Variants in PSD3 observed in about 807,000 individuals in gnomAD.
PSD3 encodes the protein PH and SEC7 domain-containing protein 3.
A neutral mutation model predicts 105.5 loss-of-function variants in PSD3; 49 were observed. The observed-to-expected ratio is 0.46, with a 90% CI of 0.37 to 0.59. The LOEUF (loss-of-function observed/expected upper bound fraction) is 0.59, where lower values mean the gene tolerates loss of function less well. PSD3 is among the 20% of genes least tolerant of loss of function. PSD3 has a pLI of 0.00. For missense variants in PSD3, 1,561 were observed against 1,263.8 expected (o/e 1.24, Z -3.57); for synonymous variants, 557 against 457.8 (o/e 1.22, Z -2.77).
chr8:18,527,735 G>A lies in PSD3; in HGVS notation c.*8008C>T, dbSNP rs1799481481. ...CTTTCAAAAGAAGACCACCACAAACGCCATCGTTTTCTAGAAGACGGCATT... is the reference window on the plus strand; with the variant it reads ...CTTTCAAAAGAAGACCACCACAAACACCATCGTTTTCTAGAAGACGGCATT... On this transcript the variant is annotated 3_prime_UTR_variant, in exon 16 of 16. Transcript: ENST00000327040. 1.3e-5 allele frequency: 2 copies of A among 152,496 alleles called. No homozygotes were observed. The highest frequency in any genetic ancestry group is 1.5e-5 in the Non-Finnish European group (1 of 68,020). 9.4% of individuals were successfully genotyped at this position (152,496 alleles called of 1,614,324 possible).
chr8:18,680,503 G>A (rs1290289436), intron 9 of PSD3, among the ~76,000 whole-genome samples: 3 of 152,146 alleles, frequency 2.0e-5, no homozygotes, highest in African/African-American at 7.2e-5. Flanking sequence ...ACCCAATGAA[G>A]AGCTGAGCTC....
chr8:18,848,844 G>A (rs1815335585), intron 4 of PSD3, among the ~76,000 whole-genome samples: 1 of 152,182 alleles, frequency 6.6e-6, no homozygotes, highest in African/African-American at 2.4e-5. Flanking sequence ...ACAAAAATGT[G>A]GCAACTGCCA....
At chr8:18,779,162 T>G (rs891794027) in intron 8 of PSD3, among the ~76,000 whole-genome samples, 2 of 152,194 alleles carry the variant, frequency 1.3e-5, no homozygotes, top group African/African-American at 4.8e-5. Context: ...GTGTTCTATT[T>G]CTTCATGGCC....
intron 9 of PSD3, among the ~76,000 whole-genome samples, chr8:18,663,830 GTGGCTACCC>G (rs1809530693): frequency 6.6e-6 from 1 of 152,166 alleles, no homozygotes; most frequent in Non-Finnish European, 1.5e-5. Flanking sequence ...TTGAAGGTTT[GTGGCTACCC>G]TGTTTTGAGC....
intron 9 of PSD3, among the ~76,000 whole-genome samples, chr8:18,744,427 T>C (rs919553863): frequency 2.0e-5 from 3 of 152,222 alleles, no homozygotes; most frequent in African/African-American, 7.2e-5. Context: ...TAACTCTACG[T>C]GGTCTTTTTA....
intron 12 of PSD3, among the ~76,000 whole-genome samples, chr8:18,597,007 C>G (rs1015991412): frequency 6.6e-6 from 1 of 152,042 alleles, no homozygotes; most frequent in Non-Finnish European, 1.5e-5. Context: ...AACCAGAAAA[C>G]AGTACTGCAA....
At chr8:18,987,280 A>AT (rs199530425) in intron 1 of PSD3, among the ~76,000 whole-genome samples, 17,506 of 147,880 alleles carry the variant, frequency 0.12, 1,182 homozygotes, top group East Asian at 0.22. Context: ...TTTCTTTTTT[A>AT]TTTTTTTTTT....
At chr8:18,612,160 TTTG>T (rs1805313816) in intron 11 of PSD3, among the ~76,000 whole-genome samples, 1 of 143,154 alleles carries the variant, frequency 7.0e-6, no homozygotes, top group Non-Finnish European at 1.5e-5. Flanking sequence ...ACTAAATTTC[TTTG>T]TTTCTGCCCA....
intron 8 of PSD3, among the ~76,000 whole-genome samples, chr8:18,784,079 G>C (rs1021539424): frequency 6.6e-6 from 1 of 151,918 alleles, no homozygotes; most frequent in African/African-American, 2.4e-5. Flanking sequence ...TGTTTTGTAT[G>C]TTTTCAATCC....
rs189961681 is a variant in PSD3 at position 18,972,842 on chromosome 8, C to T, written c.22-36700G>A. On this transcript the variant is annotated intron_variant, in intron 1 of 15. Coordinates refer to ENST00000327040, the MANE Select transcript of PSD3 (RefSeq NM_015310.4). ...CTACGCTGTGTATGATAATTTGCTA[C>T]AGCAGCTCAAACTAAGACACACAGC... Among the ~76,000 whole-genome samples, 373 of 152,358 alleles carry T rather than the reference C, an allele frequency of 2.4e-3. 1 individual carries two copies. The highest frequency in any genetic ancestry group is 8.6e-3 in the African/African-American group (356 of 41,588).
intron 15 of PSD3, among the ~76,000 whole-genome samples, chr8:18,541,483 G>A (rs1034673948): frequency 1.3e-5 from 2 of 152,068 alleles, no homozygotes. Flanking sequence ...GTATCCCACC[G>A]TTCCAATGAT....
At chr8:18,691,148 T>C (rs1052549970) in intron 9 of PSD3, among the ~76,000 whole-genome samples, 2 of 152,076 alleles carry the variant, frequency 1.3e-5, no homozygotes, top group Non-Finnish European at 2.9e-5. Context: ...GGGGGAAAAA[T>C]CTTTAAATAG....
intron 1 of PSD3, among the ~76,000 whole-genome samples, chr8:18,994,768 A>G (rs914686021): frequency 6.6e-6 from 1 of 151,674 alleles, no homozygotes; most frequent in African/African-American, 2.4e-5. Context: ...TTCTCATCAT[A>G]TTTCTATTGA....
At chr8:19,070,590 A>C (rs1829220990) in intron 1 of PSD3, among the ~76,000 whole-genome samples, 1 of 152,166 alleles carries the variant, frequency 6.6e-6, no homozygotes, top group African/African-American at 2.4e-5. Flanking sequence ...AGGCAGGAGA[A>C]TCGCTTAAAT....
At chr8:19,013,515 C>CGGCGCCGCGTGCG in intron 1 of PSD3, 48 bp downstream of exon 1, 1 of 1,578,186 alleles carries the variant, frequency 6.3e-7, no homozygotes, top group Non-Finnish European at 8.5e-7. Context: ...CGTCGAACAG[C>CGGCGCCGCGTGCG]GGCGCCGCGT....
At position 18,834,868 on chromosome 8, in the gene PSD3, A is replaced by G. The variant is rs111484033; in HGVS notation, c.1635-29970T>C. On this transcript the variant is annotated intron_variant, in intron 4 of 15. Transcript: ENST00000327040. ...CTGTGACATCCATCCAATACAATTA[A>G]TTCAAGTAGGTTTACAGTCCACTGC... is the stretch of plus-strand genomic sequence containing the variant. 8.9e-3 allele frequency among the ~76,000 whole-genome samples: 1,354 copies of G among 152,310 alleles called. 16 individuals are homozygous for G. Among genetic ancestry groups the G allele is most frequent in the African/African-American group, 0.031 (1,270 of 41,556 alleles).
chr8:18,943,494 C>CCTGTGATAACTGA (rs1822682565), intron 1 of PSD3, among the ~76,000 whole-genome samples: 2 of 151,888 alleles, frequency 1.3e-5, no homozygotes, highest in Admixed American at 1.3e-4. Context: ...ACACAGGAGA[C>CCTGTGATAACTGA]CACAGGAAAA....
At chr8:18,649,005 C>T (rs1361074880) in intron 10 of PSD3, among the ~76,000 whole-genome samples, 2 of 152,238 alleles carry the variant, frequency 1.3e-5, no homozygotes, top group Admixed American at 6.5e-5. Flanking sequence ...TCCAGGCAGA[C>T]ATCTGCGGCA....
rs574102530 is a variant in PSD3, at chr8:18,793,520, A to C, written c.2082+5775T>G. On this transcript the variant is annotated intron_variant, in intron 8 of 15. Coordinates refer to ENST00000327040, the MANE Select transcript of PSD3 (RefSeq NM_015310.4). ...AATCAAAAGATCTTTGCAAATAATA[A>C]TTTAGGAAAAAAAGCCAGGTAAGAC... 4.6e-5 allele frequency among the ~76,000 whole-genome samples: 7 copies of C among 152,230 alleles called. No homozygotes were observed. The East Asian group carries it at 1.2e-3, about 25-fold the overall frequency.
Sources: gnomAD v4.1 joint callset for allele counts (sites outside exome capture counted in the v4.1 genomes callset) on GRCh38, gnomAD v4.1.1 for gene constraint, MANE v1.5 for transcripts, NCBI Gene and HGNC (gene_info 2026-07-23, HGNC 2026-07-21) for gene names.